ENOX2: variants seen among roughly 807,000 people sequenced by gnomAD.
ENOX2 encodes the protein APK1 antigen.
ENOX2 carries 36 observed loss-of-function variants against 45.0 expected under a neutral mutation model. That is an observed-to-expected ratio of 0.80 (90% CI 0.61 to 1.06). The LOEUF (loss-of-function observed/expected upper bound fraction) is 1.06. Among genes scored for constraint, ENOX2 ranks in the 50% least tolerant of loss-of-function variants. The pLI is 0.00. For missense variants in ENOX2, 423 were observed against 462.5 expected (o/e 0.91, Z 0.78); for synonymous variants, 174 against 152.3 (o/e 1.14, Z -1.05).
At chrX:130,667,475 G>A (rs1184427657) in intron 8 of ENOX2, 55 bp downstream of exon 8, 2 of 1,085,655 alleles carry the variant, frequency 1.8e-6, no homozygotes, top group African/African-American at 3.6e-5. Flanking sequence ...TAGAGAGCAA[G>A]TGACTAAGTG....
chrX:130,898,904 C>T (rs1452153627), intron 2 of ENOX2, among the ~76,000 whole-genome samples: 2 of 110,641 alleles, frequency 1.8e-5, no homozygotes, highest in Non-Finnish European at 3.8e-5. Flanking sequence ...TACATATTGA[C>T]GAATTGCTCT....
At chrX:130,871,746 A>T (rs778732228) in intron 2 of ENOX2, among the ~76,000 whole-genome samples, 1 of 111,351 alleles carries the variant, frequency 9.0e-6, no homozygotes, top group Non-Finnish European at 1.9e-5. Context: ...AAAGAAAGAG[A>T]TAAGGAGATG....
intron 3 of ENOX2, among the ~76,000 whole-genome samples, chrX:130,740,073 T>C (rs2038946991): frequency 8.9e-6 from 1 of 112,125 alleles, no homozygotes. Flanking sequence ...TATGAGAACA[T>C]ATTTAAAATA....
At chrX:130,746,310 G>C (rs1022435185) in intron 3 of ENOX2, among the ~76,000 whole-genome samples, 2 of 112,032 alleles carry the variant, frequency 1.8e-5, no homozygotes, top group African/African-American at 6.5e-5. Context: ...CACGTCTGCT[G>C]TCTGACATAG....
chrX:130,830,565 C>T (rs1004738131), intron 2 of ENOX2, among the ~76,000 whole-genome samples: 3 of 112,132 alleles, frequency 2.7e-5, no homozygotes, highest in Non-Finnish European at 5.6e-5. Context: ...TAAATCCCAT[C>T]CTTTCTTGCT....
chrX:130,788,104 C>G (rs1269287285), intron 2 of ENOX2, among the ~76,000 whole-genome samples: 10 of 111,851 alleles, frequency 8.9e-5, no homozygotes, highest in Non-Finnish European at 5.6e-5. Context: ...TTTTTTGTGT[C>G]ATGTATATGT....
intron 2 of ENOX2, among the ~76,000 whole-genome samples, chrX:130,797,049 C>T (rs748930864): frequency 4.5e-5 from 5 of 111,761 alleles, no homozygotes; most frequent in Non-Finnish European, 9.4e-5. Context: ...AGTGCCACAG[C>T]TGAATTCATG....
chrX:130,667,885 T>C (rs1422627408), intron 7 of ENOX2, 143 bp from the exon 8 acceptor site: 1 of 444,662 alleles, frequency 2.2e-6, no homozygotes, highest in Non-Finnish European at 3.9e-6. Context: ...CATACACACA[T>C]GTGCACACAC....
intron 3 of ENOX2, among the ~76,000 whole-genome samples, chrX:130,764,785 G>C (rs2039578261): frequency 9.0e-6 from 1 of 110,706 alleles, no homozygotes; most frequent in Non-Finnish European, 1.9e-5. Flanking sequence ...TTTTGTTGTT[G>C]GTAACATCCT....
At chrX:130,821,250 A>G (rs2077591239) in intron 2 of ENOX2, among the ~76,000 whole-genome samples, 2 of 106,873 alleles carry the variant, frequency 1.9e-5, no homozygotes, top group African/African-American at 6.8e-5. Context: ...ACGTATGTTT[A>G]CTGCGGCATT....
chrX:130,852,495 A>G (rs1344352595), intron 2 of ENOX2, among the ~76,000 whole-genome samples: 1 of 112,052 alleles, frequency 8.9e-6, no homozygotes, highest in Non-Finnish European at 1.9e-5. Context: ...TAAGTGATAT[A>G]AAGAAAATAA....
At chrX:130,842,922 T>C (rs1306790679) in intron 2 of ENOX2, among the ~76,000 whole-genome samples, 2 of 111,439 alleles carry the variant, frequency 1.8e-5, no homozygotes, top group African/African-American at 6.5e-5. Context: ...TAAAATTGTA[T>C]GCAGAATAGC....
rs1256863463 is a variant in ENOX2, at chrX:130,631,469, CA to C, written c.1526del (p.Val509GlyfsTer51). 1 of 1,121,365 alleles carries C rather than the reference CA, an allele frequency of 8.9e-7. No individual in the cohort carries two copies. The highest frequency in any genetic ancestry group is 2.2e-5 in the Admixed American group (1 of 45,606). The allele number at this position is 1,121,365 out of a possible 1,213,427, so 92.4% of individuals were successfully genotyped here. The part of the protein sequence containing the change: ...PIKSEREALL[V>X]GIISTFLHVH... ...GCATGTGTGCATTAGCTTCCTTACC[CA>C]CTAGCAGTGCTTCACGTTCAGATTT... On this transcript the variant is annotated frameshift_variant and splice_region_variant, in exon 13 of 15. Transcript: ENST00000394363. LOFTEE classifies it high-confidence loss of function.
intron 12 of ENOX2, among the ~76,000 whole-genome samples, chrX:130,632,340 C>G (rs1364596036): frequency 7.0e-5 from 5 of 71,528 alleles, no homozygotes; most frequent in Non-Finnish European, 1.0e-4. Context: ...AAGTTCTTCT[C>G]TTTCAGAATG....
chrX:130,725,401 A>AT (rs1246052833), intron 3 of ENOX2, among the ~76,000 whole-genome samples: 1 of 106,906 alleles, frequency 9.4e-6, no homozygotes, highest in East Asian at 3.0e-4. Context: ...CAGAGGCAGG[A>AT]TAACATGGAG....
intron 6 of ENOX2, among the ~76,000 whole-genome samples, chrX:130,677,499 T>C (rs2037184435): frequency 8.9e-6 from 1 of 112,122 alleles, no homozygotes; most frequent in African/African-American, 3.2e-5. Flanking sequence ...TAGACTCAAT[T>C]CTTCCAAACC....
chrX:130,813,817 G>A lies in ENOX2; in HGVS notation c.-182-30127C>T, dbSNP rs139522269. ...GCCCAGGATTTCAAGCATAAAAGTGGGCGGCCGTTTGGGCAGACACCGAAC... is the reference window on the plus strand; with the variant it reads ...GCCCAGGATTTCAAGCATAAAAGTGAGCGGCCGTTTGGGCAGACACCGAAC... On this transcript the variant is annotated intron_variant, in intron 2 of 14. Transcript: ENST00000394363. 1.8e-3 allele frequency among the ~76,000 whole-genome samples: 207 copies of A among 111,973 alleles called. No individual in the cohort carries two copies. The East Asian group carries it at 0.042, about 23-fold the overall frequency.
At chrX:130,758,877 G>A (rs962716074) in intron 3 of ENOX2, among the ~76,000 whole-genome samples, 1 of 111,295 alleles carries the variant, frequency 9.0e-6, no homozygotes, top group Non-Finnish European at 1.9e-5. Flanking sequence ...TGAAATGTCT[G>A]TTCATGTCTT....
At chrX:130,752,107 C>T (rs761838792) in intron 3 of ENOX2, among the ~76,000 whole-genome samples, 6 of 111,269 alleles carry the variant, frequency 5.4e-5, no homozygotes, top group Non-Finnish European at 9.5e-5. Context: ...CAATATGTCC[C>T]GGACATGACT....
Sources: gnomAD v4.1 joint callset for allele counts (sites outside exome capture counted in the v4.1 genomes callset) on GRCh38, gnomAD v4.1.1 for gene constraint, MANE v1.5 for transcripts, NCBI Gene and HGNC (gene_info 2026-07-23, HGNC 2026-07-21) for gene names.